The following ABHD2 variants were observed in gnomAD, a reference collection of about 807,000 sequenced individuals.
ABHD2 encodes monoacylglycerol lipase ABHD2.
In ABHD2, 20 loss-of-function variants were observed where a neutral mutation model predicts 48.1. That is an observed-to-expected ratio of 0.42 (90% CI 0.29 to 0.60). The LOEUF is 0.60. ABHD2 is among the 20% of genes least tolerant of loss of function. ABHD2 has a pLI of 0.24. For missense variants in ABHD2, 405 were observed against 550.9 expected (o/e 0.74, Z 2.65); for synonymous variants, 209 against 214.2 (o/e 0.98, Z 0.21).
intron 3 of ABHD2, among the ~76,000 whole-genome samples, chr15:89,141,612 A>G (rs998096735): frequency 6.6e-6 from 1 of 151,918 alleles, no homozygotes; most frequent in East Asian, 1.9e-4. Context: ...CAGCCTGGGC[A>G]ACTCTGTCTC....
At chr15:89,074,245 G>A in the ABHD2 span, among the ~76,000 whole-genome samples, 10 of 152,196 alleles carry the variant, frequency 6.6e-5, no homozygotes, top group Admixed American at 1.3e-4. Flanking sequence ...GCGTGATGGC[G>A]TGCTCCTGTA....
chr15:89,162,898 G>A (rs563667133), intron 5 of ABHD2, among the ~76,000 whole-genome samples: 2 of 152,146 alleles, frequency 1.3e-5, no homozygotes, highest in Admixed American at 1.3e-4. Context: ...AATCCTGCTT[G>A]GACCCTAGAA....
intron 3 of ABHD2, among the ~76,000 whole-genome samples, chr15:89,147,330 T>TA (rs1355145072): frequency 6.6e-6 from 1 of 150,482 alleles, no homozygotes; most frequent in East Asian, 1.9e-4. Context: ...ATTATGTTTA[T>TA]AATTGGGTAT....
the ABHD2 span, among the ~76,000 whole-genome samples, chr15:89,078,622 A>G: frequency 6.6e-6 from 1 of 152,190 alleles, no homozygotes; most frequent in Non-Finnish European, 1.5e-5. Flanking sequence ...ACAATTGCTT[A>G]CAAGGAAATT....
intron 3 of ABHD2, among the ~76,000 whole-genome samples, chr15:89,124,067 C>G (rs1281377314): frequency 2.0e-5 from 3 of 152,194 alleles, no homozygotes; most frequent in Non-Finnish European, 4.4e-5. Context: ...TGTACGAACA[C>G]TATATTTGTC....
intron 1 of ABHD2, among the ~76,000 whole-genome samples, chr15:89,089,920 TTAGA>T (rs1901525544): frequency 6.6e-6 from 1 of 152,178 alleles, no homozygotes; most frequent in South Asian, 2.1e-4. Flanking sequence ...TGAAGGCACC[TTAGA>T]TAGAGCTCAT....
At chr15:89,108,235 G>A (rs1031304660) in intron 1 of ABHD2, among the ~76,000 whole-genome samples, 2 of 152,178 alleles carry the variant, frequency 1.3e-5, no homozygotes, top group African/African-American at 4.8e-5. Context: ...TTACAAGGTT[G>A]GCTCCTTCCT....
rs2049932251 is a variant in ABHD2 at position 89,114,978 on chromosome 15, A to AG, written c.-7+1155dup. The stretch of plus-strand genomic sequence containing the variant: ...TTACTGAATTAGGAATCCCTGCCAG[A>AG]GATTTTCTGCCAAAGTGACCTCGAG... On this transcript the variant is annotated intron_variant, in intron 2 of 10. Transcript: ENST00000352732. This position sits in a 1 kb window ranked among gnomAD's most constrained non-coding sequence, Gnocchi z 4.2. Among the ~76,000 whole-genome samples, 1 of 152,194 alleles carries AG rather than the reference A, an allele frequency of 6.6e-6. No individual in the cohort carries two copies. Among genetic ancestry groups the AG allele is most frequent in the African/African-American group, 2.4e-5 (1 of 41,454 alleles).
the ABHD2 span, among the ~76,000 whole-genome samples, chr15:89,061,889 CAA>C: frequency 1.3e-5 from 2 of 152,046 alleles, no homozygotes; most frequent in African/African-American, 2.4e-5. Context: ...AAGATAATTT[CAA>C]AAAGAGTATT....
At chr15:89,171,784 G>C (rs2050932382) in intron 5 of ABHD2, among the ~76,000 whole-genome samples, 1 of 152,192 alleles carries the variant, frequency 6.6e-6, no homozygotes, top group South Asian at 2.1e-4. Context: ...GAGCTGGAGA[G>C]AGCCTCGTTC....
the ABHD2 span, among the ~76,000 whole-genome samples, chr15:89,052,912 C>T: frequency 1.6e-4 from 25 of 151,580 alleles, no homozygotes; most frequent in African/African-American, 5.8e-4. Flanking sequence ...CTCAGGGTGT[C>T]TTAGACTAGA....
the ABHD2 span, among the ~76,000 whole-genome samples, chr15:89,050,275 A>G: frequency 4.3e-3 from 652 of 152,274 alleles, 2 homozygotes; most frequent in Middle Eastern, 0.01. Context: ...GGGGTCACTT[A>G]GATGGAATTT....
chr15:89,103,262 A>T (rs886082364), intron 1 of ABHD2, among the ~76,000 whole-genome samples: 2 of 152,226 alleles, frequency 1.3e-5, no homozygotes, highest in Non-Finnish European at 2.9e-5. Flanking sequence ...GAAATATTTA[A>T]TAAAGCAGCT....
intron 3 of ABHD2, among the ~76,000 whole-genome samples, chr15:89,136,817 G>A (rs1455955431): frequency 6.6e-6 from 1 of 152,218 alleles, no homozygotes; most frequent in Non-Finnish European, 1.5e-5. Context: ...CATAACGCTG[G>A]CACAGATTTT....
intron 3 of ABHD2, among the ~76,000 whole-genome samples, chr15:89,148,240 T>C (rs778537585): frequency 4.0e-5 from 6 of 151,520 alleles, no homozygotes; most frequent in African/African-American, 7.3e-5. Flanking sequence ...ACAATACTTA[T>C]AAATCAATAG....
At chr15:89,048,801 A>G in the ABHD2 span, among the ~76,000 whole-genome samples, 1 of 151,872 alleles carries the variant, frequency 6.6e-6, no homozygotes, top group African/African-American at 2.4e-5. Flanking sequence ...ACATTCTTCT[A>G]AATTTTTTTC....
chr15:89,078,218 A>G, the ABHD2 span, among the ~76,000 whole-genome samples: 1 of 152,184 alleles, frequency 6.6e-6, no homozygotes, highest in Non-Finnish European at 1.5e-5. Flanking sequence ...CATTGAAACT[A>G]ATGCAATAAC....
rs2050024175 is a variant in ABHD2, at chr15:89,120,071, T to C, written c.194+3550T>C. 6.6e-6 allele frequency among the ~76,000 whole-genome samples: 1 copy of C among 152,214 alleles called. No individual in the cohort carries two copies. Among genetic ancestry groups the C allele is most frequent in the African/African-American group, 2.4e-5 (1 of 41,452 alleles). On this transcript the variant is annotated intron_variant, in intron 3 of 10. Transcript: ENST00000352732. The surrounding 1 kb of genome is among the most constrained non-coding windows in gnomAD (Gnocchi z 4.2). Reference sequence around the variant, plus strand: ...ATCAGGACGTGTCTTCTTACTGTTCTGGTATAGAAAAAAAGTTGATGAAAG... The same window carrying C: ...ATCAGGACGTGTCTTCTTACTGTTCCGGTATAGAAAAAAAGTTGATGAAAG...
intron 5 of ABHD2, among the ~76,000 whole-genome samples, chr15:89,162,503 A>AT (rs2050777802): frequency 6.6e-6 from 1 of 151,130 alleles, no homozygotes; most frequent in Non-Finnish European, 1.5e-5. Context: ...CAGGCCCCCT[A>AT]TTCCCACCCT....
Sources: gnomAD v4.1 joint callset for allele counts (sites outside exome capture counted in the v4.1 genomes callset) on GRCh38, gnomAD v4.1.1 for gene constraint, Gnocchi (gnomAD v3.1) non-coding constraint, MANE v1.5 for transcripts, NCBI Gene and HGNC (gene_info 2026-07-23, HGNC 2026-07-21) for gene names.